The following SLC25A21 variants were observed in gnomAD, a reference collection of about 807,000 sequenced individuals.
SLC25A21 encodes the protein mitochondrial 2-oxodicarboxylate carrier.
A neutral mutation model predicts 43.8 loss-of-function variants in SLC25A21; 47 were observed. The observed-to-expected ratio is 1.07, with a 90% CI of 0.85 to 1.37. SLC25A21 has a LOEUF of 1.37. Among genes scored for constraint, SLC25A21 ranks in the 40% most tolerant of loss-of-function variants. The probability of loss-of-function intolerance (pLI) is 0.00; values close to 1 mark genes in which losing one functional copy is unlikely to be tolerated. For missense variants in SLC25A21, 352 were observed against 350.2 expected (o/e 1.00, Z -0.04); for synonymous variants, 131 against 121.3 (o/e 1.08, Z -0.52).
chr14:36,964,352 C>T (rs944054986), intron 1 of SLC25A21, among the ~76,000 whole-genome samples: 3 of 152,196 alleles, frequency 2.0e-5, no homozygotes, highest in African/African-American at 7.2e-5. Context: ...TGTATGTTAA[C>T]AAATTCTTAA....
rs561875091 is a variant in SLC25A21 at position 36,719,443 on chromosome 14, G to A, written c.438+6127C>T. 1.1e-4 allele frequency among the ~76,000 whole-genome samples: 17 copies of A among 152,164 alleles called. No individual in the cohort carries two copies. The South Asian group carries it at 3.3e-3, about 30-fold the overall frequency. On this transcript the variant is annotated intron_variant, in intron 6 of 9. Transcript: ENST00000331299. ...AGTTTGAAGGATGGGGGGAAATTTG[G>A]GTCTATCCCAATTTTATCCACACAT...
chr14:36,856,280 G>A (rs1889895018), intron 2 of SLC25A21, among the ~76,000 whole-genome samples: 1 of 152,200 alleles, frequency 6.6e-6, no homozygotes, highest in South Asian at 2.1e-4. Flanking sequence ...ACCAGGAACT[G>A]CGGGCTTTGT....
chr14:36,734,566 C>A lies in SLC25A21; in HGVS notation c.211G>T (p.Gly71Cys). 1 of 1,603,686 alleles carries A rather than the reference C, an allele frequency of 6.2e-7. No individual in the cohort carries two copies. The change falls in exon 4 of 10, where the codon GGT becomes TGT. Residue 71 changes from glycine (G) to cysteine (C), a missense_variant. By Grantham distance (159) the Gly-to-Cys change is radical (BLOSUM62 -3). Coordinates refer to ENST00000331299, the MANE Select transcript of SLC25A21 (RefSeq NM_030631.4). The part of the protein sequence containing the change: ...RMIFQMEGLF[G>C]FYKGILPPIL... ...GGTGGCAGAATTCCCTTGTAAAAAC[C>A]AAATAACCTGTTGGAGAAATAAAAG...
chr14:36,881,435 C>G (rs1294561125), intron 1 of SLC25A21, among the ~76,000 whole-genome samples: 1 of 152,116 alleles, frequency 6.6e-6, no homozygotes, highest in Non-Finnish European at 1.5e-5. Flanking sequence ...TATCTCATAA[C>G]TCAACAATAT....
chr14:36,942,806 T>C (rs888910931), intron 1 of SLC25A21, among the ~76,000 whole-genome samples: 1 of 152,230 alleles, frequency 6.6e-6, no homozygotes, highest in African/African-American at 2.4e-5. Flanking sequence ...ATTTGGGACA[T>C]AAGTAACCAA....
intron 3 of SLC25A21, among the ~76,000 whole-genome samples, chr14:36,742,573 C>T (rs1411887692): frequency 1.3e-5 from 2 of 152,086 alleles, no homozygotes; most frequent in African/African-American, 4.8e-5. Context: ...ATCTTGGGGC[C>T]ATTTTCATTG....
chr14:36,874,255 C>G (rs529343004), intron 2 of SLC25A21, among the ~76,000 whole-genome samples: 1 of 152,252 alleles, frequency 6.6e-6, no homozygotes, highest in Admixed American at 6.5e-5. Context: ...AGGCATGGTG[C>G]TTTTGGGTTT....
intron 1 of SLC25A21, among the ~76,000 whole-genome samples, chr14:37,103,847 T>C (rs1791289172): frequency 6.6e-6 from 1 of 152,210 alleles, no homozygotes. Context: ...TGTCACTCAT[T>C]CAGTCATAAA....
chr14:37,138,125 G>C (rs190339058), intron 1 of SLC25A21, among the ~76,000 whole-genome samples: 1 of 152,128 alleles, frequency 6.6e-6, no homozygotes, highest in Non-Finnish European at 1.5e-5. Context: ...GGTGACAAGA[G>C]AGCCAGATGT....
intron 1 of SLC25A21, among the ~76,000 whole-genome samples, chr14:36,981,740 T>A (rs1960029676): frequency 6.6e-6 from 1 of 152,074 alleles, no homozygotes; most frequent in African/African-American, 2.4e-5. Context: ...CTAATGTAAA[T>A]GACGAGTTAA....
At chr14:36,917,179 G>A (rs1456811800) in intron 1 of SLC25A21, among the ~76,000 whole-genome samples, 1 of 151,342 alleles carries the variant, frequency 6.6e-6, no homozygotes, top group African/African-American at 2.4e-5. Context: ...ATTACATATC[G>A]TCCTTCAGTG....
At chr14:37,143,664 A>T (rs1963609631) in intron 1 of SLC25A21, among the ~76,000 whole-genome samples, 1 of 151,850 alleles carries the variant, frequency 6.6e-6, no homozygotes, top group Non-Finnish European at 1.5e-5. Context: ...GGAAGAAGGC[A>T]TTTGACTGAT....
intron 1 of SLC25A21, among the ~76,000 whole-genome samples, chr14:37,159,395 C>T (rs548438289): frequency 6.6e-6 from 1 of 152,070 alleles, no homozygotes; most frequent in African/African-American, 2.4e-5. Context: ...ACAAATGGAA[C>T]AGAATAGAGA....
At chr14:36,926,140 T>C (rs1356186878) in intron 1 of SLC25A21, among the ~76,000 whole-genome samples, 3 of 152,086 alleles carry the variant, frequency 2.0e-5, no homozygotes, top group Non-Finnish European at 2.9e-5. Flanking sequence ...ATTGATGGCA[T>C]TGAAATTAGA....
intron 1 of SLC25A21, among the ~76,000 whole-genome samples, chr14:36,887,969 G>C (rs1566711685): frequency 6.6e-6 from 1 of 152,130 alleles, no homozygotes; most frequent in Non-Finnish European, 1.5e-5. Flanking sequence ...TCACAGGCCA[G>C]GGTGTATGCC....
intron 1 of SLC25A21, among the ~76,000 whole-genome samples, chr14:37,069,730 A>G (rs1246589319): frequency 1.3e-5 from 2 of 152,270 alleles, no homozygotes; most frequent in Non-Finnish European, 2.9e-5. Flanking sequence ...TAAATAAAAG[A>G]ATAGAGGCCC....
chr14:36,992,768 G>C (rs1211025003), intron 1 of SLC25A21, among the ~76,000 whole-genome samples: 1 of 152,158 alleles, frequency 6.6e-6, no homozygotes, highest in African/African-American at 2.4e-5. Context: ...ATCAATGCTA[G>C]AATCATCAAG....
intron 1 of SLC25A21, among the ~76,000 whole-genome samples, chr14:36,940,627 A>G (rs1892533382): frequency 6.6e-6 from 1 of 152,160 alleles, no homozygotes; most frequent in Non-Finnish European, 1.5e-5. Context: ...ATTACACAAT[A>G]TCTTACCATG....
At chr14:36,896,711 A>G (rs1443982967) in intron 1 of SLC25A21, among the ~76,000 whole-genome samples, 1 of 152,072 alleles carries the variant, frequency 6.6e-6, no homozygotes, top group East Asian at 1.9e-4. Flanking sequence ...ACTTCCTTCA[A>G]GAGCTCTTTT....
Sources: allele counts gnomAD v4.1 joint callset (sites outside exome capture counted in the v4.1 genomes callset), GRCh38; gene constraint gnomAD v4.1.1; transcripts MANE v1.5; gene names NCBI Gene and HGNC (gene_info 2026-07-23, HGNC 2026-07-21).